Variants in TGFBR3 observed in about 807,000 individuals in gnomAD.
TGFBR3 encodes transforming growth factor beta receptor type 3.
A neutral mutation model predicts 87.9 loss-of-function variants in TGFBR3; 46 were observed. The ratio of observed to expected loss-of-function variants is 0.52; its 90% CI spans 0.41 to 0.67. The LOEUF (loss-of-function observed/expected upper bound fraction) is 0.67. Among genes scored for constraint, TGFBR3 ranks in the 30% least tolerant of loss-of-function variants. The pLI is 0.00. For synonymous variants in TGFBR3, 381 were observed against 391.6 expected, an observed-to-expected ratio of 0.97 and a Z score of 0.32; for missense variants, 866 against 1,041.9, an observed-to-expected ratio of 0.83 and a Z score of 2.32.
intron 16 of TGFBR3, among the ~76,000 whole-genome samples, chr1:91,687,880 C>T (rs1347620389): frequency 2.6e-5 from 4 of 152,172 alleles, no homozygotes; most frequent in Non-Finnish European, 5.9e-5. Flanking sequence ...TTCCTTGATG[C>T]TAGAAAGAAA....
Position 91,789,090 on chromosome 1 carries a change from G to A in TGFBR3, c.246+8197C>T, listed in dbSNP as rs185530522. On this transcript the variant is annotated intron_variant, in intron 3 of 16. Coordinates refer to ENST00000212355, the MANE Select transcript of TGFBR3 (RefSeq NM_003243.5). ...AGGCTGACGGATCACAAGGTCAAGAGATCGAGGCCATCCTGGCCAACATGG... is the reference window on the plus strand; with the variant it reads ...AGGCTGACGGATCACAAGGTCAAGAAATCGAGGCCATCCTGGCCAACATGG... Among the ~76,000 whole-genome samples, 7 of 152,338 alleles carry A rather than the reference G, an allele frequency of 4.6e-5. No homozygotes were observed. In the East Asian group the frequency reaches 1.2e-3, roughly 25 times the overall value.
chr1:91,750,120 C>T (rs543517651), intron 4 of TGFBR3, among the ~76,000 whole-genome samples: 1 of 152,200 alleles, frequency 6.6e-6, no homozygotes, highest in Non-Finnish European at 1.5e-5. Context: ...CATGCCTGCA[C>T]ACAGACATGA....
chr1:91,778,117 C>A (rs1674632251), intron 3 of TGFBR3, among the ~76,000 whole-genome samples: 1 of 150,942 alleles, frequency 6.6e-6, no homozygotes, highest in African/African-American at 2.4e-5. Context: ...TATTCAGAGA[C>A]CAGATCTGCC....
chr1:91,896,385 C>A (rs1679551840), intron 2 of TGFBR3, among the ~76,000 whole-genome samples: 1 of 152,096 alleles, frequency 6.6e-6, no homozygotes, highest in South Asian at 2.1e-4. Context: ...CTCTAGGGCT[C>A]AATGAGAGAC....
chr1:91,847,202 T>C (rs1400853499), intron 2 of TGFBR3, among the ~76,000 whole-genome samples: 2 of 152,214 alleles, frequency 1.3e-5, no homozygotes, highest in Non-Finnish European at 2.9e-5. Context: ...CCACTTATAA[T>C]AAATGTGGTG....
chr1:91,897,553 T>C (rs1318607769), intron 2 of TGFBR3, among the ~76,000 whole-genome samples: 1 of 152,220 alleles, frequency 6.6e-6, no homozygotes, highest in East Asian at 1.9e-4. Flanking sequence ...ACAATCCAAA[T>C]GGCCGAAAGG....
chr1:91,730,125 T>A, intron 5 of TGFBR3, 152 bp from the exon 6 acceptor site: 2 of 843,134 alleles, frequency 2.4e-6, no homozygotes, highest in Non-Finnish European at 3.9e-6. Context: ...CCGCAACCAC[T>A]GCCCTGAAAT....
At chr1:91,879,373 A>T (rs1678985401) in intron 1 of TGFBR3, among the ~76,000 whole-genome samples, 1 of 152,168 alleles carries the variant, frequency 6.6e-6, no homozygotes. Flanking sequence ...TCAACATAAA[A>T]GAACCACCAC....
At position 91,815,316 on chromosome 1, in the gene TGFBR3, T is replaced by C. The variant is rs568058524; in HGVS notation, c.62-17845A>G. Among the ~76,000 whole-genome samples, 569 of 150,614 alleles carry C rather than the reference T, an allele frequency of 3.8e-3. 2 individuals are homozygous for C. The highest frequency in any genetic ancestry group is 6.5e-3 in the Non-Finnish European group (438 of 67,558). Reference sequence around the variant, plus strand: ...GACTCCATCTAAAAATAAAATAAAATAAAATAAAATAAAATAAAATAAAAT... The same window carrying C: ...GACTCCATCTAAAAATAAAATAAAACAAAATAAAATAAAATAAAATAAAAT... On this transcript the variant is annotated intron_variant, in intron 2 of 16. Coordinates refer to ENST00000212355, the MANE Select transcript of TGFBR3 (RefSeq NM_003243.5).
intron 2 of TGFBR3, among the ~76,000 whole-genome samples, chr1:91,827,157 C>T (rs1291160543): frequency 2.0e-5 from 3 of 152,038 alleles, no homozygotes; most frequent in East Asian, 3.9e-4. Flanking sequence ...GGTAAGCTCC[C>T]GGGGTGGGGA....
At chr1:91,850,261 A>G (rs1445469478) in intron 2 of TGFBR3, among the ~76,000 whole-genome samples, 2 of 152,184 alleles carry the variant, frequency 1.3e-5, no homozygotes, top group Non-Finnish European at 2.9e-5. Context: ...GTAGTTATTT[A>G]AAAGTATAAA....
At chr1:91,775,917 G>A (rs1405667253) in intron 3 of TGFBR3, among the ~76,000 whole-genome samples, 1 of 152,136 alleles carries the variant, frequency 6.6e-6, no homozygotes, top group Non-Finnish European at 1.5e-5. Flanking sequence ...TTGCTAAAGG[G>A]CAAAATACTA....
In TGFBR3 at chr1:91,734,976, T is replaced by A; in HGVS notation, c.385-17A>T. 1.9e-6 allele frequency: 3 copies of A among 1,613,988 alleles called. No homozygotes were observed. Among genetic ancestry groups the A allele is most frequent in the Middle Eastern group, 1.7e-4 (1 of 6,058 alleles). On this transcript the variant is annotated splice_polypyrimidine_tract_variant and intron_variant, in intron 4 of 16. Coordinates refer to ENST00000212355, the MANE Select transcript of TGFBR3 (RefSeq NM_003243.5). ...CTCAGACACCTAGAGGAAAGAGAAT[T>A]GCGTATTTAACATGGTGCAGTCACC...
At chr1:91,703,375 A>G (rs1053571224) in intron 14 of TGFBR3, among the ~76,000 whole-genome samples, 1 of 152,184 alleles carries the variant, frequency 6.6e-6, no homozygotes, top group Non-Finnish European at 1.5e-5. Context: ...GAGGAAGGGG[A>G]GGAAATTAAC....
At position 91,741,306 on chromosome 1, in the gene TGFBR3, C is replaced by G. The variant is rs115763819; in HGVS notation, c.385-6347G>C. Among the ~76,000 whole-genome samples, 1,319 of 152,202 alleles carry G rather than the reference C, an allele frequency of 8.7e-3. 17 individuals carry two copies. The highest frequency in any genetic ancestry group is 0.03 in the African/African-American group (1,260 of 41,524). On this transcript the variant is annotated intron_variant, in intron 4 of 16. Transcript: ENST00000212355. ...TATGATAAAGGATACAACTCAAGAA[C>G]AGCAGCCAGATGGAAGAGATGCACA...
At position 91,683,720 on chromosome 1, in the gene TGFBR3, C is replaced by CT. The variant is rs1557654605; in HGVS notation, c.*18_*19insA. 29 of 1,406,972 alleles carry CT rather than the reference C, an allele frequency of 2.1e-5. 1 individual carries two copies. The highest frequency in any genetic ancestry group is 1.2e-4 in the South Asian group (10 of 81,808). The allele number at this position is 1,406,972 out of a possible 1,614,324, so 87.2% of individuals were successfully genotyped here. A position where few individuals can be genotyped will look rare whatever the true frequency, so the allele number is the denominator to read the frequency against. ...TGAGCTGGGCTGGGCTGGGTTGGGCCGGGTTGGGCTGGGTTGGGCTAGGCC... is the reference window on the plus strand; with the variant it reads ...TGAGCTGGGCTGGGCTGGGTTGGGCCTGGGTTGGGCTGGGTTGGGCTAGGCC... On this transcript the variant is annotated 3_prime_UTR_variant, in exon 17 of 17. Coordinates refer to ENST00000212355, the MANE Select transcript of TGFBR3 (RefSeq NM_003243.5).
intron 5 of TGFBR3, among the ~76,000 whole-genome samples, chr1:91,732,662 C>T (rs1195671338): frequency 6.6e-6 from 1 of 152,194 alleles, no homozygotes; most frequent in Admixed American, 6.5e-5. Flanking sequence ...TTCCCTACTG[C>T]TCCTCTCTCC....
intron 2 of TGFBR3, among the ~76,000 whole-genome samples, chr1:91,896,292 G>A (rs1679549629): frequency 6.6e-6 from 1 of 152,150 alleles, no homozygotes; most frequent in South Asian, 2.1e-4. Flanking sequence ...ATTAAGGGAT[G>A]GTTTCATTCT....
At chr1:91,703,541 T>A (rs553088818) in intron 14 of TGFBR3, among the ~76,000 whole-genome samples, 1 of 152,240 alleles carries the variant, frequency 6.6e-6, no homozygotes, top group Non-Finnish European at 1.5e-5. Flanking sequence ...TGATATTTAT[T>A]GCTCCTGATG....
Sources: allele counts gnomAD v4.1 joint callset (sites outside exome capture counted in the v4.1 genomes callset), GRCh38; gene constraint gnomAD v4.1.1; transcripts MANE v1.5; gene names NCBI Gene and HGNC (gene_info 2026-07-23, HGNC 2026-07-21).